The following PJA2 variants were observed in gnomAD, a reference collection of about 807,000 sequenced individuals.
PJA2 encodes E3 ubiquitin-protein ligase Praja-2.
Under a neutral mutation model 69.3 loss-of-function variants are expected in PJA2, and 25 were observed. That is an observed-to-expected ratio of 0.36 (90% confidence interval 0.26 to 0.50). PJA2 has a LOEUF of 0.50. Among genes scored for constraint, PJA2 ranks in the 20% least tolerant of loss-of-function variants. The pLI is 0.96. For missense variants in PJA2, 809 were observed against 830.2 expected, an observed-to-expected ratio of 0.97 and a Z score of 0.31; for synonymous variants, 308 against 277.8, an observed-to-expected ratio of 1.11 and a Z score of -1.08.
chr5:109,383,549 T>C (rs1004417812), intron 1 of PJA2, 29 bp from the exon 2 acceptor site: 15 of 818,666 alleles, frequency 1.8e-5, no homozygotes, highest in Middle Eastern at 4.9e-4. Flanking sequence ...TTGAACAATA[T>C]ATTAATAAAA....
intron 3 of PJA2, 66 bp downstream of exon 3, chr5:109,381,437 A>T (rs962862561): frequency 2.6e-5 from 37 of 1,411,702 alleles, no homozygotes; most frequent in Non-Finnish European, 3.3e-5. Flanking sequence ...CCCACCCAAA[A>T]ATTTAATTAT....
At position 109,409,932 on chromosome 5, in the gene PJA2, C is replaced by G. The variant is rs1460387564; in HGVS notation, c.-178G>C. The G allele has an allele frequency of 4.9e-6, 1 of 203,258 alleles. No individual in the cohort carries two copies. Among genetic ancestry groups the G allele is most frequent in the South Asian group, 6.7e-5 (1 of 14,940 alleles). The allele number at this position is 203,258 out of a possible 1,614,324, so 12.6% of individuals were successfully genotyped here. On this transcript the variant is annotated 5_prime_UTR_variant, in exon 1 of 10. Coordinates refer to ENST00000361189, the MANE Select transcript of PJA2 (RefSeq NM_014819.5). ...TCTCCGCCTCCAACTCCTCCCCCGC[C>G]GAACGCGAAGCGGCTGGCGGCTGTG...
At chr5:109,393,088 T>C (rs531789567) in intron 1 of PJA2, among the ~76,000 whole-genome samples, 1 of 152,050 alleles carries the variant, frequency 6.6e-6, no homozygotes, top group South Asian at 2.1e-4. Context: ...GAAATGTACA[T>C]TACATACAAG....
intron 6 of PJA2, among the ~76,000 whole-genome samples, chr5:109,357,021 A>C (rs1762424238): frequency 6.6e-6 from 1 of 151,992 alleles, no homozygotes; most frequent in African/African-American, 2.4e-5. Flanking sequence ...TCTTTTCTCT[A>C]ATCTTGCTCC....
At position 109,378,697 on chromosome 5, in the gene PJA2, T is replaced by C. The variant is rs775978782; in HGVS notation, c.790A>G (p.Met264Val). 3 of 1,613,702 alleles carry C rather than the reference T, an allele frequency of 1.9e-6. No homozygotes were observed. The highest frequency in any genetic ancestry group is 2.5e-6 in the Non-Finnish European group (3 of 1,180,022). Reference sequence around the variant, plus strand: ...TTATTTTGTTGTTTCGTACTAACCATTTCATCTTGAGAAGACCTCTGAATT... The same window carrying C: ...TTATTTTGTTGTTTCGTACTAACCACTTCATCTTGAGAAGACCTCTGAATT... ...QEIQRSSQDE[M>V]VSTKQQNNTS... The change falls in exon 4 of 10, where the codon ATG (methionine) becomes GTG (valine). Residue 264 changes from methionine to valine, a missense_variant. By Grantham distance (21) the Met-to-Val change is conservative (BLOSUM62 1). Transcript: ENST00000361189.
intron 4 of PJA2, among the ~76,000 whole-genome samples, chr5:109,369,364 G>A (rs1338897750): frequency 6.6e-6 from 1 of 152,088 alleles, no homozygotes; most frequent in African/African-American, 2.4e-5. Context: ...TATGGCATAT[G>A]GCAAGTTATG....
intron 7 of PJA2, among the ~76,000 whole-genome samples, chr5:109,354,277 TA>T (rs1325939711): frequency 7.0e-6 from 1 of 142,720 alleles, no homozygotes; most frequent in Non-Finnish European, 1.5e-5. Flanking sequence ...GAGATATCTA[TA>T]GATTAGATAT....
At chr5:109,374,019 T>G (rs566238623) in intron 4 of PJA2, among the ~76,000 whole-genome samples, 1 of 152,322 alleles carries the variant, frequency 6.6e-6, no homozygotes, top group East Asian at 1.9e-4. Flanking sequence ...AAGTGAAATT[T>G]TAAATATTTT....
chr5:109,405,543 C>T (rs900881169), intron 1 of PJA2, among the ~76,000 whole-genome samples: 75 of 152,136 alleles, frequency 4.9e-4, no homozygotes, highest in Non-Finnish European at 1.3e-4. Context: ...TAACTCAGTA[C>T]TGGCAAAATT....
At chr5:109,386,216 G>T (rs1378347826) in intron 1 of PJA2, among the ~76,000 whole-genome samples, 3 of 152,140 alleles carry the variant, frequency 2.0e-5, no homozygotes, top group African/African-American at 7.2e-5. Context: ...ACAACAGAGG[G>T]CAGTGAGAGA....
chr5:109,391,872 G>T (rs768685961), intron 1 of PJA2, among the ~76,000 whole-genome samples: 15 of 152,082 alleles, frequency 9.9e-5, no homozygotes, highest in Non-Finnish European at 1.9e-4. Flanking sequence ...TCGTTTACAA[G>T]AGCAACTATA....
intron 1 of PJA2, among the ~76,000 whole-genome samples, chr5:109,406,033 C>A (rs1292978086): frequency 9.2e-5 from 13 of 141,090 alleles, no homozygotes; most frequent in Non-Finnish European, 2.0e-4. Flanking sequence ...CTCAATAAGA[C>A]AAACCCATTT....
chr5:109,382,116 T>G (rs1236484292), intron 2 of PJA2, among the ~76,000 whole-genome samples: 1 of 152,126 alleles, frequency 6.6e-6, no homozygotes, highest in Non-Finnish European at 1.5e-5. Flanking sequence ...TTACTAGCAT[T>G]ATGATATGAT....
At chr5:109,356,678 T>C (rs1469016791) in intron 6 of PJA2, among the ~76,000 whole-genome samples, 2 of 152,232 alleles carry the variant, frequency 1.3e-5, no homozygotes, top group Admixed American at 6.5e-5. Context: ...AATTCTATCA[T>C]TACTCACGGC....
intron 6 of PJA2, among the ~76,000 whole-genome samples, chr5:109,362,450 AT>A (rs1762519670): frequency 6.6e-6 from 1 of 152,214 alleles, no homozygotes. Context: ...AAGGAGAACT[AT>A]TCTTATTGTT....
intron 3 of PJA2, among the ~76,000 whole-genome samples, chr5:109,380,959 A>C (rs1462167878): frequency 6.6e-6 from 1 of 152,016 alleles, no homozygotes. Context: ...TACTAAAAAT[A>C]CAAAAATTAG....
At chr5:109,344,100 CAAAAAAAAA>C in intron 9 of PJA2, 81 bp downstream of exon 9, 2 of 394,174 alleles carry the variant, frequency 5.1e-6, no homozygotes, top group Non-Finnish European at 7.1e-6. Context: ...TTTGTCTCAC[CAAAAAAAAA>C]AAAAAAAAAA....
chr5:109,399,439 A>G (rs1747490152), intron 1 of PJA2, among the ~76,000 whole-genome samples: 1 of 152,192 alleles, frequency 6.6e-6, no homozygotes, highest in South Asian at 2.1e-4. Flanking sequence ...CCACTGAGGT[A>G]TGGGCACACA....
At chr5:109,344,599 C>G (rs1261383801) in intron 8 of PJA2, 106 bp downstream of exon 8, 1 of 793,864 alleles carries the variant, frequency 1.3e-6, no homozygotes, top group African/African-American at 1.8e-5. Flanking sequence ...TAAAAAAAAT[C>G]TAGTGAAAGT....
Sources: gnomAD v4.1 joint callset for allele counts (sites outside exome capture counted in the v4.1 genomes callset) on GRCh38, gnomAD v4.1.1 for gene constraint, MANE v1.5 for transcripts, NCBI Gene and HGNC (gene_info 2026-07-23, HGNC 2026-07-21) for gene names.